The following PXDNL variants were observed in gnomAD, a reference collection of about 807,000 sequenced individuals.
The protein encoded by PXDNL is probable oxidoreductase PXDNL.
In PXDNL, 145 loss-of-function variants were observed where a neutral mutation model predicts 150.8. The observed-to-expected ratio is 0.96, with a 90% CI of 0.84 to 1.10. The LOEUF (loss-of-function observed/expected upper bound fraction) is 1.10. PXDNL is among the 50% of genes least tolerant of loss of function. The probability of loss-of-function intolerance (pLI) is 0.00; values close to 1 mark genes in which losing one functional copy is unlikely to be tolerated. For missense variants in PXDNL, 2,087 were observed against 1,873.9 expected (o/e 1.11, Z -2.10); for synonymous variants, 757 against 725.7 (o/e 1.04, Z -0.69).
chr8:51,536,519 A>G (rs952567459), intron 4 of PXDNL, among the ~76,000 whole-genome samples: 14 of 152,182 alleles, frequency 9.2e-5, no homozygotes, highest in African/African-American at 3.1e-4. Context: ...AAAGCAAAAG[A>G]GAATGGGGAG....
At chr8:51,725,675 C>T (rs935504851) in intron 1 of PXDNL, among the ~76,000 whole-genome samples, 1 of 152,146 alleles carries the variant, frequency 6.6e-6, no homozygotes, top group African/African-American at 2.4e-5. Flanking sequence ...ACCAAGCACT[C>T]CCAGGCATGA....
chr8:51,438,298 G>A (rs1204759663), intron 12 of PXDNL, among the ~76,000 whole-genome samples: 1 of 151,644 alleles, frequency 6.6e-6, no homozygotes, highest in Non-Finnish European at 1.5e-5. Flanking sequence ...ATTCTTCACA[G>A]AACTAAAAAA....
At chr8:51,692,491 T>C (rs1212113329) in intron 1 of PXDNL, among the ~76,000 whole-genome samples, 1 of 152,228 alleles carries the variant, frequency 6.6e-6, no homozygotes, top group Non-Finnish European at 1.5e-5. Flanking sequence ...ACATTTTCTT[T>C]GCCTTTTTTA....
rs376106300 is a variant in PXDNL, at chr8:51,339,700, G to A, written c.4070C>T (p.Ala1357Val). The change falls in exon 21 of 23, where the codon GCA becomes GTA. Residue 1357 changes from alanine (A) to valine (V), a missense_variant. Ala to Val is a moderately conservative substitution (Grantham distance 64). Coordinates refer to ENST00000356297, the MANE Select transcript of PXDNL (RefSeq NM_144651.5). ...GAAATCTTGGGAGAACTTTGTTTTT[G>A]CCAGAACTGTCACATTTCTAGCATC... ...GEDARNVTVLAKTKFSQDFST... is the reference protein window; with the variant it reads ...GEDARNVTVLVKTKFSQDFST... 4.3e-6 allele frequency: 7 copies of A among 1,613,162 alleles called. No homozygotes were observed. Among genetic ancestry groups the A allele is most frequent in the African/African-American group, 2.7e-5 (2 of 74,882 alleles).
At chr8:51,396,386 C>T (rs548316028) in intron 17 of PXDNL, among the ~76,000 whole-genome samples, 109 of 152,324 alleles carry the variant, frequency 7.2e-4, no homozygotes, top group African/African-American at 2.5e-3. Flanking sequence ...GAGTGCAGAG[C>T]GCCTGTGTCT....
At position 51,453,664 on chromosome 8, in the gene PXDNL, T is replaced by A; in HGVS notation, c.1104A>T (p.Gly368=). ...CGTGCCTGGATCCATCCAGCTCCAATCCATTGTCCCTGGTCCAAGTGATAA... is the reference window on the plus strand; with the variant it reads ...CGTGCCTGGATCCATCCAGCTCCAAACCATTGTCCCTGGTCCAAGTGATAA... ...HPLITWTRDN[G]LELDGSRHVA... Residue 368 remains glycine (G), a synonymous_variant, in exon 10 of 23, where the codon GGA becomes GGT. Transcript: ENST00000356297. The A allele has an allele frequency of 6.2e-7, 1 of 1,614,020 alleles. No homozygotes were observed. The highest frequency in any genetic ancestry group is 1.3e-5 in the African/African-American group (1 of 75,060).
intron 1 of PXDNL, among the ~76,000 whole-genome samples, chr8:51,766,030 G>A (rs1369680237): frequency 6.6e-6 from 1 of 152,022 alleles, no homozygotes; most frequent in African/African-American, 2.4e-5. Flanking sequence ...TTTTTTAGTA[G>A]AGACGGGATT....
intron 1 of PXDNL, among the ~76,000 whole-genome samples, chr8:51,700,394 G>T (rs1816230498): frequency 6.7e-6 from 1 of 149,216 alleles, no homozygotes; most frequent in Non-Finnish European, 1.5e-5. Flanking sequence ...TACACACAGA[G>T]ATATAAATAC....
chr8:51,707,321 A>T (rs1816402021), intron 1 of PXDNL, among the ~76,000 whole-genome samples: 2 of 152,182 alleles, frequency 1.3e-5, no homozygotes, highest in Admixed American at 6.5e-5. Context: ...TTTCAGGGGA[A>T]TTTTTAAGCT....
intron 1 of PXDNL, among the ~76,000 whole-genome samples, chr8:51,741,103 G>C (rs1039045337): frequency 2.0e-5 from 3 of 152,114 alleles, no homozygotes; most frequent in African/African-American, 4.8e-5. Flanking sequence ...TTTTTTGTTT[G>C]TGTGTTTGTT....
chr8:51,451,226 C>A (rs1294988829), intron 10 of PXDNL, among the ~76,000 whole-genome samples: 3 of 151,960 alleles, frequency 2.0e-5, no homozygotes, highest in Non-Finnish European at 4.4e-5. Flanking sequence ...AATTGTTAAA[C>A]TTCACGTGTT....
intron 1 of PXDNL, among the ~76,000 whole-genome samples, chr8:51,744,197 A>T (rs1236397288): frequency 6.7e-6 from 1 of 150,310 alleles, no homozygotes; most frequent in African/African-American, 2.4e-5. Flanking sequence ...AGAGAGAAAG[A>T]AAAAAGAAAA....
At chr8:51,625,339 G>A (rs965961250) in intron 2 of PXDNL, among the ~76,000 whole-genome samples, 7 of 152,060 alleles carry the variant, frequency 4.6e-5, no homozygotes, top group Admixed American at 2.6e-4. Context: ...ATTACGTAGC[G>A]CCCCTGTGAC....
chr8:51,380,912 G>T (rs1176564453), intron 17 of PXDNL, among the ~76,000 whole-genome samples: 1 of 151,416 alleles, frequency 6.6e-6, no homozygotes, highest in Admixed American at 6.6e-5. Flanking sequence ...CTTTTTAATC[G>T]GCTTATGTCC....
intron 1 of PXDNL, among the ~76,000 whole-genome samples, chr8:51,748,786 G>C (rs911850806): frequency 6.6e-6 from 1 of 152,072 alleles, no homozygotes; most frequent in African/African-American, 2.4e-5. Context: ...CTGGTTCCTG[G>C]GGAAAACACT....
intron 1 of PXDNL, among the ~76,000 whole-genome samples, chr8:51,683,604 T>C (rs112177914): frequency 6.6e-6 from 1 of 152,060 alleles, no homozygotes; most frequent in East Asian, 1.9e-4. Flanking sequence ...CAATGTGGTA[T>C]TCTACACTTA....
chr8:51,721,749 T>C (rs771269971), intron 1 of PXDNL: 3 of 411,410 alleles, frequency 7.3e-6, no homozygotes, highest in Non-Finnish European at 1.4e-5. Flanking sequence ...CATCATCCTC[T>C]CCAGCAGCAA....
chr8:51,422,889 T>C (rs1253700483), intron 14 of PXDNL, among the ~76,000 whole-genome samples: 1 of 152,238 alleles, frequency 6.6e-6, no homozygotes, highest in East Asian at 1.9e-4. Context: ...TAACCTCAGC[T>C]GAGTTTCAGT....
At chr8:51,543,069 C>A (rs1812257366) in intron 4 of PXDNL, among the ~76,000 whole-genome samples, 1 of 152,038 alleles carries the variant, frequency 6.6e-6, no homozygotes, top group African/African-American at 2.4e-5. Flanking sequence ...CATACATTAC[C>A]TCTAGATTTC....
Sources: gnomAD v4.1 joint callset for allele counts (sites outside exome capture counted in the v4.1 genomes callset) on GRCh38, gnomAD v4.1.1 for gene constraint, MANE v1.5 for transcripts, NCBI Gene and HGNC (gene_info 2026-07-23, HGNC 2026-07-21) for gene names.